PTPRD: variants seen among roughly 807,000 people sequenced by gnomAD.
PTPRD encodes protein tyrosine phosphatase receptor type D.
Under a neutral mutation model 214.5 loss-of-function variants are expected in PTPRD, and 34 were observed. The observed-to-expected ratio is 0.16, with a 90% CI of 0.12 to 0.21. The LOEUF (loss-of-function observed/expected upper bound fraction) is 0.21. PTPRD is among the 10% of genes least tolerant of loss of function. The pLI is 1.00. For synonymous variants in PTPRD, 1,128 were observed against 845.7 expected (o/e 1.33, Z -5.79); for missense variants, 2,545 against 2,398.7 (o/e 1.06, Z -1.27).
At chr9:8,396,922 A>G (rs2091323060) in intron 36 of PTPRD, among the ~76,000 whole-genome samples, 1 of 152,182 alleles carries the variant, frequency 6.6e-6, no homozygotes, top group South Asian at 2.1e-4. Context: ...CAAAAAAAGG[A>G]AGTGCTTTTA....
At chr9:9,317,094 A>C (rs1963642753) in intron 9 of PTPRD, among the ~76,000 whole-genome samples, 1 of 152,168 alleles carries the variant, frequency 6.6e-6, no homozygotes, top group African/African-American at 2.4e-5. Context: ...TTTCTATCAC[A>C]ATATTTTCAA....
intron 39 of PTPRD, among the ~76,000 whole-genome samples, chr9:8,352,687 A>T (rs1440118169): frequency 1.3e-5 from 2 of 152,336 alleles, no homozygotes; most frequent in East Asian, 3.9e-4. Context: ...GAGAGGAGCC[A>T]CTGGAAGGTA....
At chr9:8,857,313 G>A (rs920750800) in intron 11 of PTPRD, among the ~76,000 whole-genome samples, 2 of 152,138 alleles carry the variant, frequency 1.3e-5, no homozygotes, top group African/African-American at 2.4e-5. Flanking sequence ...TCCACCATTT[G>A]CCCCCAATAC....
chr9:9,104,254 G>C lies in PTPRD; in HGVS notation c.-143+79050C>G, dbSNP rs574334713. On this transcript the variant is annotated intron_variant, in intron 10 of 45. Coordinates refer to ENST00000381196, the MANE Select transcript of PTPRD (RefSeq NM_002839.4). ...TGTGGCTGTGTTCCAATAAAACTTC[G>C]TTGGTGGGCAAAAAAATTCAAAATT... 2.6e-5 allele frequency among the ~76,000 whole-genome samples: 4 copies of C among 152,138 alleles called. No homozygotes were observed. In the East Asian group the frequency reaches 7.7e-4, roughly 29 times the overall value.
chr9:9,548,710 G>C (rs563167005), intron 8 of PTPRD, among the ~76,000 whole-genome samples: 1 of 152,240 alleles, frequency 6.6e-6, no homozygotes, highest in South Asian at 2.1e-4. Context: ...TCATAAGAAA[G>C]ATGGAGTGCC....
chr9:8,853,734 C>G (rs1034229277), intron 11 of PTPRD, among the ~76,000 whole-genome samples: 1 of 152,160 alleles, frequency 6.6e-6, no homozygotes, highest in Non-Finnish European at 1.5e-5. Flanking sequence ...AATAACTCTT[C>G]TCTTTGCTCT....
intron 11 of PTPRD, among the ~76,000 whole-genome samples, chr9:8,938,272 G>C (rs760090249): frequency 8.6e-5 from 13 of 151,792 alleles, no homozygotes; most frequent in Non-Finnish European, 1.8e-4. Context: ...GGGAGAAGAG[G>C]AGAAGAGAGG....
intron 5 of PTPRD, among the ~76,000 whole-genome samples, chr9:9,867,426 A>G (rs2064255102): frequency 1.3e-5 from 2 of 152,172 alleles, no homozygotes; most frequent in South Asian, 4.1e-4. Flanking sequence ...CCTATCTTCC[A>G]AACAGATTCA....
chr9:8,797,677 C>G (rs2154515628), intron 11 of PTPRD, among the ~76,000 whole-genome samples: 1 of 152,296 alleles, frequency 6.6e-6, no homozygotes, highest in Admixed American at 6.5e-5. Context: ...TTTCCTGTCA[C>G]TGATCTCACC....
intron 4 of PTPRD, among the ~76,000 whole-genome samples, chr9:9,987,673 C>T (rs1588233669): frequency 1.3e-5 from 2 of 152,090 alleles, no homozygotes; most frequent in Admixed American, 1.3e-4. Flanking sequence ...AGATTCATTA[C>T]CAAAAGTAAT....
chr9:9,001,332 T>C (rs1278188374), intron 11 of PTPRD, among the ~76,000 whole-genome samples: 1 of 152,036 alleles, frequency 6.6e-6, no homozygotes, highest in Non-Finnish European at 1.5e-5. Context: ...ATATTACTTT[T>C]CGTCTTGTAT....
chr9:9,392,342 T>G (rs1325326525), intron 9 of PTPRD, among the ~76,000 whole-genome samples: 1 of 152,208 alleles, frequency 6.6e-6, no homozygotes, highest in African/African-American at 2.4e-5. Context: ...GAGACTTCTG[T>G]ACATTACAGA....
At chr9:9,681,303 T>A (rs1170112824) in intron 7 of PTPRD, among the ~76,000 whole-genome samples, 2 of 151,850 alleles carry the variant, frequency 1.3e-5, no homozygotes, top group African/African-American at 4.8e-5. Context: ...ATCAACTCTG[T>A]GATAAAATAT....
chr9:9,595,291 TA>T (rs2093190601), intron 7 of PTPRD, among the ~76,000 whole-genome samples: 6 of 3,092 alleles, frequency 1.9e-3, no homozygotes, highest in East Asian at 0.17. Context: ...ATATATATTA[TA>T]TATATATATA....
At chr9:8,474,732 TATAA>T (rs1238169638) in intron 30 of PTPRD, among the ~76,000 whole-genome samples, 1 of 152,154 alleles carries the variant, frequency 6.6e-6, no homozygotes, top group East Asian at 1.9e-4. Flanking sequence ...TCATCTCTTA[TATAA>T]AGAGAAAATG....
intron 7 of PTPRD, among the ~76,000 whole-genome samples, chr9:9,589,102 G>A (rs1193147228): frequency 2.0e-5 from 3 of 151,758 alleles, no homozygotes; most frequent in African/African-American, 7.3e-5. Context: ...CTTAGTTCTA[G>A]GCAACTAACT....
chr9:9,645,096 C>T (rs1056064088), intron 7 of PTPRD, among the ~76,000 whole-genome samples: 1 of 152,222 alleles, frequency 6.6e-6, no homozygotes, highest in East Asian at 1.9e-4. Context: ...CCCCTAAACA[C>T]TGCCATGGGG....
intron 3 of PTPRD, among the ~76,000 whole-genome samples, chr9:10,058,122 TTCTC>T (rs2097693199): frequency 1.3e-5 from 2 of 152,084 alleles, no homozygotes; most frequent in Non-Finnish European, 2.9e-5. Context: ...TCAACACCCT[TTCTC>T]TCCTGTGAAG....
intron 9 of PTPRD, among the ~76,000 whole-genome samples, chr9:9,228,204 T>G (rs752656368): frequency 1.1e-4 from 16 of 152,152 alleles, no homozygotes; most frequent in Non-Finnish European, 2.1e-4. Flanking sequence ...TGTGCTTCAA[T>G]GAAGACATTC....
Sources: gnomAD v4.1 joint callset for allele counts (sites outside exome capture counted in the v4.1 genomes callset) on GRCh38, gnomAD v4.1.1 for gene constraint, MANE v1.5 for transcripts, NCBI Gene and HGNC (gene_info 2026-07-23, HGNC 2026-07-21) for gene names.